Variants in FAM187A observed in about 807,000 individuals in gnomAD.
FAM187A encodes family with sequence similarity 187 member A, also known as Ig-like V-type domain-containing protein FAM187A.
Under a neutral mutation model 6.4 loss-of-function variants are expected in FAM187A, and 4 were observed. That is an observed-to-expected ratio of 0.63 (90% CI 0.31 to 1.44). The LOEUF is 1.44. Ranked by LOEUF, FAM187A falls within the 40% of genes most tolerant of loss-of-function variation. The pLI is 0.07. For missense variants in FAM187A, 463 were observed against 542.2 expected, an observed-to-expected ratio of 0.85 and a Z score of 1.45; for synonymous variants, 221 against 213.4, an observed-to-expected ratio of 1.04 and a Z score of -0.31.
In FAM187A at chr17:44,904,636, G is replaced by A. The variant is rs555687846; in HGVS notation, c.807G>A (p.Val269=). The A allele has an allele frequency of 3.9e-5, 61 of 1,550,568 alleles. No homozygotes were observed. In the East Asian group the frequency reaches 1.5e-3, roughly 38 times the overall value. ...CCAAAGTGGGCAGCCGGCCCTGGGT[G>A]CCCCAGGTGCCCATTCAGTTCCACC... is the stretch of plus-strand genomic sequence containing the variant. The change falls in exon 4 of 4, where the codon GTG becomes GTA. Residue 269 remains valine, a synonymous_variant. Transcript: ENST00000331733.
chr17:44,903,929 G>A (rs1380184087), exon 4 of FAM187A: 3 of 1,550,456 alleles, frequency 1.9e-6, no homozygotes, highest in Non-Finnish European at 2.6e-6. Flanking sequence ...CCCCTGCCCT[G>A]CTTTCCTGAT....
At chr17:44,904,851 G>A in exon 4 of FAM187A, 1 of 1,550,630 alleles carries the variant, frequency 6.4e-7, no homozygotes, top group Non-Finnish European at 8.7e-7. Context: ...GATGACCGGG[G>A]CATCTACTAT....
exon 4 of FAM187A, chr17:44,905,064 C>T (rs1283240535): frequency 6.5e-7 from 1 of 1,539,270 alleles, no homozygotes; most frequent in Non-Finnish European, 8.8e-7. Flanking sequence ...CCCAGCTTCT[C>T]CCCCTAGGAG....
At chr17:44,904,263 G>T in exon 4 of FAM187A, 1 of 1,550,430 alleles carries the variant, frequency 6.4e-7, no homozygotes, top group Non-Finnish European at 8.7e-7. Context: ...AACAGTGAGG[G>T]AATGGTGGCC....
exon 4 of FAM187A, chr17:44,905,100 G>A (rs972841171): frequency 2.7e-6 from 4 of 1,471,984 alleles, no homozygotes; most frequent in South Asian, 1.3e-5. Context: ...AAGACCAGTT[G>A]TCCTTCAATG....
chr17:44,904,862 T>G (rs750214050), exon 4 of FAM187A: 14 of 1,550,668 alleles, frequency 9.0e-6, no homozygotes, highest in African/African-American at 1.4e-5. Flanking sequence ...CATCTACTAT[T>G]GCTGGAGGCA....
rs1307244317 is a variant in FAM187A at position 44,904,742 on chromosome 17, C to A, written c.913C>A (p.Gln305Lys). ...TGCAGTGGCCTGGGACAAAGACCGC[C>A]AGCACCTCTACCGCACACAGTACCT... Residue 305 changes from glutamine to lysine, a missense_variant, in exon 4 of 4, where the codon CAG becomes AAG. By Grantham distance (53) the Gln-to-Lys change is moderately conservative. Coordinates refer to ENST00000331733, the Ensembl canonical transcript of FAM187A. 2.6e-6 allele frequency: 4 copies of A among 1,550,622 alleles called. No homozygotes were observed. The South Asian group carries it at 4.8e-5, about 18-fold the overall frequency.
chr17:44,904,521 C>T (rs557958054), exon 4 of FAM187A: 35 of 1,550,362 alleles, frequency 2.3e-5, no homozygotes, highest in East Asian at 7.3e-5. Flanking sequence ...AGGGACCACA[C>T]GCCTGAGGTG....
chr17:44,904,401 G>A, exon 4 of FAM187A: 1 of 1,542,428 alleles, frequency 6.5e-7, no homozygotes, highest in Non-Finnish European at 8.8e-7. Flanking sequence ...TGGCGCATCG[G>A]CCTCTGCTAC....
chr17:44,905,388 A>G (rs901165417), exon 4 of FAM187A: 1 of 283,530 alleles, frequency 3.5e-6, no homozygotes, highest in Non-Finnish European at 7.0e-6. Flanking sequence ...GTGTTGAATC[A>G]TGTTTGAGCT....
exon 4 of FAM187A, chr17:44,903,825 C>A (rs1175134299): frequency 6.5e-7 from 1 of 1,547,246 alleles, no homozygotes; most frequent in African/African-American, 1.4e-5. Context: ...CTGCCTCCTT[C>A]AGGTATGCAC....
chr17:44,905,248 G>A (rs1449566129), exon 4 of FAM187A: 1 of 607,912 alleles, frequency 1.6e-6, no homozygotes, highest in Non-Finnish European at 3.0e-6. Context: ...GAAGTGGAGG[G>A]GCCTGAGGCT....
exon 4 of FAM187A, chr17:44,905,041 A>G: frequency 6.5e-7 from 1 of 1,547,628 alleles, no homozygotes; most frequent in East Asian, 2.4e-5. Context: ...GCTGCTACTT[A>G]TTTCACTGTT....
rs766647386 is a variant in FAM187A, at chr17:44,904,984, C to T, written c.1155C>T (p.Tyr385=). Residue 385 remains tyrosine (Y), a synonymous_variant, in exon 4 of 4, where the codon TAC becomes TAT. Coordinates refer to ENST00000331733, the Ensembl canonical transcript of FAM187A. ...CTGTGGAGCTCACCCTGATAGGCTA[C>T]CTGCTCATCACAGCAGTCTTTGTCA... The T allele has an allele frequency of 3.4e-5, 53 of 1,550,736 alleles. 1 individual carries two copies. The South Asian group carries it at 4.8e-4, about 14-fold the overall frequency.
exon 4 of FAM187A, chr17:44,904,625 C>T (rs1057231536): frequency 2.3e-5 from 36 of 1,550,436 alleles, no homozygotes; most frequent in African/African-American, 2.7e-5. Flanking sequence ...AGTGGGCAGC[C>T]GGCCCTGGGT....
In FAM187A at chr17:44,904,840, G is replaced by T. The variant is rs369506071; in HGVS notation, c.1011G>T (p.Leu337=). 2.7e-4 allele frequency: 421 copies of T among 1,550,634 alleles called. 4 individuals are homozygous for T. The South Asian group carries it at 4.7e-3, about 17-fold the overall frequency. The change falls in exon 4 of 4, where the codon CTG becomes CTT. Residue 337 remains leucine, a synonymous_variant. Coordinates refer to ENST00000331733, the Ensembl canonical transcript of FAM187A. ...AGCTCCACATCCGCTTCACCCAGCTGGATGACCGGGGCATCTACTATTGCT... is the reference window on the plus strand; with the variant it reads ...AGCTCCACATCCGCTTCACCCAGCTTGATGACCGGGGCATCTACTATTGCT...
chr17:44,904,300 C>G (rs1341472666), exon 4 of FAM187A: 1 of 1,547,734 alleles, frequency 6.5e-7, no homozygotes, highest in East Asian at 2.4e-5. Flanking sequence ...GCCAGGAGCC[C>G]TTTGCAGATG....
exon 4 of FAM187A, chr17:44,904,376 G>A: frequency 1.9e-6 from 3 of 1,543,476 alleles, no homozygotes; most frequent in Non-Finnish European, 2.6e-6. Flanking sequence ...CCGCTGCGGA[G>A]TGCGTGGGGA....
exon 4 of FAM187A, chr17:44,905,130 G>C (rs180750421): frequency 7.4e-7 from 1 of 1,351,522 alleles, no homozygotes; most frequent in African/African-American, 1.5e-5. Flanking sequence ...AATGATACCA[G>C]ATGTCTCTGG....
Sources: gnomAD v4.1 joint callset for allele counts on GRCh38, gnomAD v4.1.1 for gene constraint, MANE v1.5 for transcripts, NCBI Gene and HGNC (gene_info 2026-07-23, HGNC 2026-07-21) for gene names.